The following C2CD3 variants were observed in gnomAD, a reference collection of about 807,000 sequenced individuals.
C2CD3 encodes the protein C2 domain-containing protein 3.
Under a neutral mutation model 234.0 loss-of-function variants are expected in C2CD3, and 148 were observed. That is an observed-to-expected ratio of 0.63 (90% CI 0.55 to 0.72). C2CD3 has a LOEUF of 0.72. Among genes scored for constraint, C2CD3 ranks in the 30% least tolerant of loss-of-function variants. The pLI is 0.00. For missense variants in C2CD3, 2,577 were observed against 2,811.5 expected, an observed-to-expected ratio of 0.92 and a Z score of 1.89; for synonymous variants, 1,000 against 1,035.4, an observed-to-expected ratio of 0.97 and a Z score of 0.66.
intron 28 of C2CD3, among the ~76,000 whole-genome samples, chr11:74,045,416 T>A (rs1448140189): frequency 1.3e-5 from 2 of 152,208 alleles, no homozygotes; most frequent in East Asian, 3.8e-4. Flanking sequence ...GATCAGCTTG[T>A]CCATTTCCAC....
intron 3 of C2CD3, among the ~76,000 whole-genome samples, chr11:74,149,219 A>C (rs1855431899): frequency 6.6e-6 from 1 of 152,176 alleles, no homozygotes; most frequent in Non-Finnish European, 1.5e-5. Flanking sequence ...AATATAGTAA[A>C]CACTGATTAT....
At chr11:74,159,732 T>C (rs1341068246) in intron 3 of C2CD3, among the ~76,000 whole-genome samples, 1 of 151,974 alleles carries the variant, frequency 6.6e-6, no homozygotes, top group Admixed American at 6.6e-5. Context: ...AAGAACAAGA[T>C]TGTTTTGTAA....
intron 1 of C2CD3, among the ~76,000 whole-genome samples, chr11:74,170,174 C>G (rs927120487): frequency 2.6e-5 from 4 of 152,130 alleles, no homozygotes; most frequent in Non-Finnish European, 5.9e-5. Context: ...TGCCCTTACC[C>G]CCACTCCAAT....
rs1295630097 is a variant in C2CD3, at chr11:74,033,432, C to T, written c.6728G>A (p.Gly2243Glu). 6.5e-7 allele frequency: 1 copy of T among 1,535,996 alleles called. No individual in the cohort carries two copies. Among genetic ancestry groups the T allele is most frequent in the East Asian group, 2.4e-5 (1 of 40,932 alleles). The change falls in exon 31 of 33, where the codon GGA becomes GAA. Residue 2243 changes from glycine (G) to glutamate (E), a missense_variant. Physicochemically the swap from Gly to Glu is moderately conservative, Grantham distance 98. Coordinates refer to ENST00000334126, the MANE Select transcript of C2CD3 (RefSeq NM_001286577.2). ...GATGTCAGAGGAGTCGATGGGTGGT[C>T]CCTTATGGTTTTCCCTTCTGCTCTG... ...ASQSRRENHKGPPIDSSDIRQ... is the reference protein window; with the variant it reads ...ASQSRRENHKEPPIDSSDIRQ...
At chr11:74,168,040 T>A (rs1167383584) in intron 2 of C2CD3, 6 of 247,574 alleles carry the variant, frequency 2.4e-5, no homozygotes, top group Non-Finnish European at 7.8e-6. Flanking sequence ...CAGCCATTTA[T>A]CAACTTTGTG....
intron 2 of C2CD3, among the ~76,000 whole-genome samples, chr11:74,166,147 AAAAATATAAAAAATTAG>A (rs1445106200): frequency 3.9e-5 from 6 of 151,948 alleles, no homozygotes; most frequent in Middle Eastern, 3.2e-3. Flanking sequence ...CATCTCTACT[AAAAATATAAAAAATTAG>A]CTGGGTGTCG....
chr11:74,106,043 C>T (rs192976887), intron 13 of C2CD3, among the ~76,000 whole-genome samples: 6 of 152,292 alleles, frequency 3.9e-5, no homozygotes, highest in Admixed American at 2.6e-4. Context: ...TGACTCCAAG[C>T]CCACTCCTGC....
At chr11:74,070,974 C>T (rs1388033181) in intron 24 of C2CD3, 1 of 152,162 alleles carries the variant, frequency 6.6e-6, no homozygotes, top group East Asian at 1.9e-4. Context: ...CCCTGACCAC[C>T]CCATTAGCAA....
At chr11:74,092,219 A>AT (rs1248023020) in intron 19 of C2CD3, among the ~76,000 whole-genome samples, 197 bp downstream of exon 19, 3 of 151,608 alleles carry the variant, frequency 2.0e-5, no homozygotes, top group African/African-American at 7.3e-5. Context: ...TGCCTGGCTA[A>AT]TTTTTTTGTA....
intron 22 of C2CD3, among the ~76,000 whole-genome samples, chr11:74,083,073 T>C (rs1955464829): frequency 6.6e-6 from 1 of 151,930 alleles, no homozygotes; most frequent in African/African-American, 2.4e-5. Context: ...CAAAACAGCA[T>C]GGTACTGGTA....
intron 28 of C2CD3, among the ~76,000 whole-genome samples, chr11:74,046,802 T>C (rs1953396810): frequency 6.6e-6 from 1 of 152,196 alleles, no homozygotes; most frequent in African/African-American, 2.4e-5. Context: ...ACACCTGAGT[T>C]GTTTATAGTT....
At chr11:74,073,887 G>A (rs1954912636) in intron 24 of C2CD3, among the ~76,000 whole-genome samples, 1 of 152,196 alleles carries the variant, frequency 6.6e-6, no homozygotes, top group Admixed American at 6.5e-5. Context: ...TCCCTTGGAT[G>A]TTTAAGGACC....
chr11:74,083,584 A>G (rs1027115512), intron 22 of C2CD3, among the ~76,000 whole-genome samples: 6 of 152,218 alleles, frequency 3.9e-5, no homozygotes, highest in Non-Finnish European at 7.3e-5. Context: ...AATAACTTAA[A>G]CAAACTTACA....
At chr11:74,109,971 C>G (rs1245703765) in intron 11 of C2CD3, among the ~76,000 whole-genome samples, 2 of 146,314 alleles carry the variant, frequency 1.4e-5, no homozygotes, top group African/African-American at 5.3e-5. Context: ...GTCCCAGCTA[C>G]TTGGGAGGCT....
rs1437257292 is a variant in C2CD3 at position 74,033,541 on chromosome 11, C to A, written c.6619G>T (p.Ala2207Ser). The A allele has an allele frequency of 4.6e-6, 7 of 1,536,186 alleles. No individual in the cohort carries two copies. The East Asian group carries it at 1.7e-4, about 38-fold the overall frequency. Residue 2207 changes from alanine (A) to serine (S), a missense_variant, in exon 31 of 33, where the codon GCC becomes TCC. Ala to Ser is a moderately conservative substitution (Grantham distance 99). Coordinates refer to ENST00000334126, the MANE Select transcript of C2CD3 (RefSeq NM_001286577.2). Reference sequence around the variant, plus strand: ...GTGGCAGCTTCATTCTCAGCTGGGGCCTCTGACTTGGGCTCCTTGTTCTGA... The same window carrying A: ...GTGGCAGCTTCATTCTCAGCTGGGGACTCTGACTTGGGCTCCTTGTTCTGA... ...TDQNKEPKSEAPAENEAATSE... is the reference protein window; with the variant it reads ...TDQNKEPKSESPAENEAATSE...
intron 7 of C2CD3, among the ~76,000 whole-genome samples, chr11:74,131,920 T>C (rs1260795643): frequency 6.6e-6 from 1 of 152,234 alleles, no homozygotes; most frequent in South Asian, 2.1e-4. Flanking sequence ...ATATTGCTTT[T>C]AACCACTATG....
Position 74,036,339 on chromosome 11 carries a change from C to T in C2CD3, c.5881+1139G>A, listed in dbSNP as rs148785591. 416 of 417,200 alleles carry T rather than the reference C, an allele frequency of 1.0e-3. 3 individuals are homozygous for T. Among genetic ancestry groups the T allele is most frequent in the African/African-American group, 8.0e-3 (391 of 48,718 alleles). The allele number at this position is 417,200 out of a possible 1,614,324, so 25.8% of individuals were successfully genotyped here. ...TGAAGGGAGATAATGCCTGTCATAT[C>T]CACCACTGTATCTTCCTGGGACAAA... On this transcript the variant is annotated intron_variant, in intron 30 of 32. Coordinates refer to ENST00000334126, the MANE Select transcript of C2CD3 (RefSeq NM_001286577.2).
intron 24 of C2CD3, among the ~76,000 whole-genome samples, chr11:74,064,365 GGATGT>G (rs1279608856): frequency 6.6e-6 from 1 of 152,054 alleles, no homozygotes; most frequent in Non-Finnish European, 1.5e-5. Flanking sequence ...AACTTACAAG[GGATGT>G]GAAGGACCTC....
intron 20 of C2CD3, among the ~76,000 whole-genome samples, chr11:74,086,097 T>C (rs1269523148): frequency 2.0e-5 from 3 of 152,126 alleles, no homozygotes; most frequent in South Asian, 4.1e-4. Context: ...GGGGATAACA[T>C]CTGCCCATCA....
Sources: allele counts gnomAD v4.1 joint callset (sites outside exome capture counted in the v4.1 genomes callset), GRCh38; gene constraint gnomAD v4.1.1; transcripts MANE v1.5; gene names NCBI Gene and HGNC (gene_info 2026-07-23, HGNC 2026-07-21).